WDR27: variants seen among roughly 807,000 people sequenced by gnomAD.
WDR27 encodes the protein WD repeat domain 27.
A neutral mutation model predicts 114.4 loss-of-function variants in WDR27; 100 were observed. The ratio of observed to expected loss-of-function variants is 0.87; its 90% confidence interval spans 0.74 to 1.03. The LOEUF (loss-of-function observed/expected upper bound fraction) is 1.03. Ranked by LOEUF, WDR27 falls within the 50% of genes least tolerant of loss-of-function variation. The pLI, the probability that WDR27 is intolerant of heterozygous loss-of-function variation, is 0.00. For synonymous variants in WDR27, 449 were observed against 423.1 expected, an observed-to-expected ratio of 1.06 and a Z score of -0.75; for missense variants, 1,129 against 1,092.9, an observed-to-expected ratio of 1.03 and a Z score of -0.47.
intron 24 of WDR27, among the ~76,000 whole-genome samples, chr6:169,579,560 C>T (rs1803018530): frequency 6.6e-6 from 1 of 152,106 alleles, no homozygotes. Flanking sequence ...TCTGGTTGCC[C>T]TCATTACTCA....
chr6:169,658,628 T>C (rs555215646), intron 12 of WDR27, among the ~76,000 whole-genome samples: 16 of 151,720 alleles, frequency 1.1e-4, no homozygotes, highest in African/African-American at 3.6e-4. Context: ...TTCAACAAGA[T>C]AGAAGCAACA....
chr6:169,503,012 A>T (rs1322293557), intron 25 of WDR27, among the ~76,000 whole-genome samples: 1 of 152,190 alleles, frequency 6.6e-6, no homozygotes, highest in Non-Finnish European at 1.5e-5. Context: ...ATAGAGGAAG[A>T]TGAGGTGACC....
intron 2 of WDR27, among the ~76,000 whole-genome samples, chr6:169,672,691 T>C (rs1219038574): frequency 6.6e-6 from 1 of 152,092 alleles, no homozygotes; most frequent in Non-Finnish European, 1.5e-5. Context: ...CTCCACCACA[T>C]GCCAGAAGAG....
rs1802725069 is a variant in WDR27, at chr6:169,578,024, T to C, written c.2523+4812A>G. Among the ~76,000 whole-genome samples, 3 of 152,152 alleles carry C rather than the reference T, an allele frequency of 2.0e-5. No individual in the cohort carries two copies. The South Asian group carries it at 6.2e-4, about 32-fold the overall frequency. Reference sequence around the variant, plus strand: ...CGTCTCTCTCTCTCCCCAACCATCTTCACCCATTGATTCCCCTATTCTGGA... The same window carrying C: ...CGTCTCTCTCTCTCCCCAACCATCTCCACCCATTGATTCCCCTATTCTGGA... On this transcript the variant is annotated intron_variant, in intron 24 of 25. Transcript: ENST00000448612.
At chr6:169,614,780 G>T (rs937037096) in intron 21 of WDR27, among the ~76,000 whole-genome samples, 1 of 152,058 alleles carries the variant, frequency 6.6e-6, no homozygotes, top group African/African-American at 2.4e-5. Flanking sequence ...AATTGAGCAG[G>T]TATTCAACAA....
intron 21 of WDR27, among the ~76,000 whole-genome samples, chr6:169,628,736 C>T (rs923881619): frequency 2.6e-5 from 4 of 152,134 alleles, no homozygotes; most frequent in Non-Finnish European, 4.4e-5. Flanking sequence ...AATGTTATTC[C>T]ACCCGTGACT....
At chr6:169,619,263 A>G (rs1167703481) in intron 21 of WDR27, among the ~76,000 whole-genome samples, 2 of 151,988 alleles carry the variant, frequency 1.3e-5, no homozygotes, top group Non-Finnish European at 2.9e-5. Flanking sequence ...TCACCATGTC[A>G]TTCCAGGAAC....
rs1806157202 is a variant in WDR27 at position 169,593,442 on chromosome 6, C to A, written c.2424+8777G>T. Among the ~76,000 whole-genome samples, 6 of 152,178 alleles carry A rather than the reference C, an allele frequency of 3.9e-5. No individual in the cohort carries two copies. In the South Asian group the frequency reaches 1.2e-3, roughly 32 times the overall value. ...GAAGCAGTCTCATGATTTTCAAAAT[C>A]CTTCTGCTCCATGCTTCTGCCTCCT... is the stretch of plus-strand genomic sequence containing the variant. On this transcript the variant is annotated intron_variant, in intron 23 of 25. Coordinates refer to ENST00000448612, the MANE Select transcript of WDR27 (RefSeq NM_182552.5).
chr6:169,515,427 G>A (rs1290693556), intron 25 of WDR27, among the ~76,000 whole-genome samples: 1 of 152,148 alleles, frequency 6.6e-6, no homozygotes, highest in Non-Finnish European at 1.5e-5. Context: ...ATAGCTTTTA[G>A]GGAAATGGAT....
chr6:169,527,248 C>CCAAAA (rs1248620607), intron 25 of WDR27, among the ~76,000 whole-genome samples: 15 of 151,222 alleles, frequency 9.9e-5, no homozygotes, highest in African/African-American at 2.9e-4. Context: ...CTCCAAAATA[C>CCAAAA]TACAACAGAT....
chr6:169,463,668 T>C (rs547367403), intron 25 of WDR27, among the ~76,000 whole-genome samples: 8 of 152,210 alleles, frequency 5.3e-5, no homozygotes, highest in African/African-American at 1.9e-4. Flanking sequence ...AAAAGCCTGT[T>C]AGAATTAATA....
At chr6:169,656,664 A>AG (rs1824291538) in intron 13 of WDR27, among the ~76,000 whole-genome samples, 1 of 151,982 alleles carries the variant, frequency 6.6e-6, no homozygotes, top group African/African-American at 2.4e-5. Flanking sequence ...CAGGAGGAGG[A>AG]GGCTGGGATG....
chr6:169,517,339 T>C (rs1414430305), intron 25 of WDR27, among the ~76,000 whole-genome samples: 1 of 152,216 alleles, frequency 6.6e-6, no homozygotes, highest in East Asian at 1.9e-4. Flanking sequence ...ATTAAACCTC[T>C]TTTCTTTATA....
chr6:169,651,195 G>A (rs1488610683), intron 14 of WDR27, among the ~76,000 whole-genome samples: 1 of 73,502 alleles, frequency 1.4e-5, no homozygotes, highest in Non-Finnish European at 2.5e-5. Context: ...GGGGGGGGGA[G>A]TGGGGGAGTG....
chr6:169,533,679 T>A (rs1272216896), intron 25 of WDR27, among the ~76,000 whole-genome samples: 1 of 152,206 alleles, frequency 6.6e-6, no homozygotes, highest in African/African-American at 2.4e-5. Context: ...AGGAGCTGTG[T>A]TCACAGAACC....
At chr6:169,650,196 C>T (rs1236283677) in intron 14 of WDR27, among the ~76,000 whole-genome samples, 7 of 149,956 alleles carry the variant, frequency 4.7e-5, no homozygotes, top group Non-Finnish European at 8.9e-5. Flanking sequence ...CTCATCTCTC[C>T]ATCCCTCCAT....
intron 25 of WDR27, among the ~76,000 whole-genome samples, chr6:169,509,164 C>T (rs1026184772): frequency 1.2e-4 from 19 of 152,256 alleles, no homozygotes; most frequent in Admixed American, 4.6e-4. Flanking sequence ...TCCATGCTCA[C>T]GGGTAGGAAG....
intron 20 of WDR27, among the ~76,000 whole-genome samples, chr6:169,633,680 G>A (rs1442574617): frequency 2.6e-5 from 4 of 152,208 alleles, no homozygotes; most frequent in African/African-American, 7.2e-5. Context: ...AGGTGCACTG[G>A]AGTCAAGAGA....
At chr6:169,475,182 G>C (rs557515670) in intron 25 of WDR27, among the ~76,000 whole-genome samples, 26 of 152,172 alleles carry the variant, frequency 1.7e-4, no homozygotes, top group African/African-American at 6.0e-4. Flanking sequence ...CCAAGCACAG[G>C]GTTTACAAAA....
Sources: allele counts gnomAD v4.1 joint callset (sites outside exome capture counted in the v4.1 genomes callset), GRCh38; gene constraint gnomAD v4.1.1; transcripts MANE v1.5; gene names NCBI Gene and HGNC (gene_info 2026-07-23, HGNC 2026-07-21).